The following TCF4 variants were observed in gnomAD, a reference collection of about 807,000 sequenced individuals.
The protein encoded by TCF4 is SL3-3 enhancer factor 2.
A neutral mutation model predicts 82.1 loss-of-function variants in TCF4; 3 were observed. The ratio of observed to expected loss-of-function variants is 0.04; its 90% CI spans 0.02 to 0.09. TCF4 has a LOEUF of 0.09. TCF4 is among the 10% of genes least tolerant of loss of function. The pLI is 1.00. For synonymous variants in TCF4, 276 were observed against 309.6 expected, an observed-to-expected ratio of 0.89 and a Z score of 1.14; for missense variants, 518 against 852.7, an observed-to-expected ratio of 0.61 and a Z score of 4.89.
At chr18:55,253,689 A>G (rs1163509115) in intron 15 of TCF4, among the ~76,000 whole-genome samples, 1 of 152,186 alleles carries the variant, frequency 6.6e-6, no homozygotes, top group Non-Finnish European at 1.5e-5. Context: ...TAAATTACAC[A>G]GTCACATGCA....
chr18:55,536,314 G>C (rs2097114061), intron 3 of TCF4, among the ~76,000 whole-genome samples: 1 of 152,112 alleles, frequency 6.6e-6, no homozygotes, highest in African/African-American at 2.4e-5. Flanking sequence ...TCCTCCAATA[G>C]TCAAACGTAC....
At chr18:55,608,167 A>G (rs75249703) in intron 2 of TCF4, among the ~76,000 whole-genome samples, 1,596 of 152,264 alleles carry the variant, frequency 0.01, 30 homozygotes, top group African/African-American at 0.036. Flanking sequence ...AATTCTCAAA[A>G]TTTATTTTCT....
At chr18:55,481,237 A>G (rs1334079663) in intron 3 of TCF4, among the ~76,000 whole-genome samples, 3 of 152,144 alleles carry the variant, frequency 2.0e-5, no homozygotes, top group Non-Finnish European at 4.4e-5. Context: ...TTTGTAACAC[A>G]CTGGTAACTC....
chr18:55,297,258 A>G (rs933929440), intron 8 of TCF4, among the ~76,000 whole-genome samples: 3 of 147,996 alleles, frequency 2.0e-5, no homozygotes, highest in Non-Finnish European at 3.0e-5. Context: ...AGAATCCCCA[A>G]TATTTTTTCC....
upstream of TCF4, among the ~76,000 whole-genome samples, chr18:55,591,494 C>T (rs1401159526): frequency 7.2e-5 from 11 of 152,220 alleles, no homozygotes; most frequent in South Asian, 2.1e-4. Flanking sequence ...CTCCTCATTC[C>T]GCTGAATTTC....
At chr18:55,303,538 C>T (rs1387956800) in intron 8 of TCF4, among the ~76,000 whole-genome samples, 1 of 152,116 alleles carries the variant, frequency 6.6e-6, no homozygotes, top group Non-Finnish European at 1.5e-5. Flanking sequence ...TTCTCTTTCC[C>T]AATTTCTCCT....
intron 5 of TCF4, among the ~76,000 whole-genome samples, chr18:55,433,734 G>A (rs1345568589): frequency 2.6e-5 from 4 of 152,310 alleles, no homozygotes; most frequent in East Asian, 1.9e-4. Flanking sequence ...ATTATGTTAC[G>A]AGGGAAACTA....
chr18:55,418,839 G>A (rs2094618281), intron 5 of TCF4, among the ~76,000 whole-genome samples: 1 of 152,142 alleles, frequency 6.6e-6, no homozygotes, highest in African/African-American at 2.4e-5. Context: ...TCTAAGAAAA[G>A]TAGCCAAATT....
intron 2 of TCF4, among the ~76,000 whole-genome samples, chr18:55,595,835 G>A (rs1433652985): frequency 1.3e-5 from 2 of 152,188 alleles, no homozygotes; most frequent in African/African-American, 4.8e-5. Context: ...GATTTCTAGG[G>A]CCAGAATAGA....
At chr18:55,520,970 A>AG (rs1374781589) in intron 3 of TCF4, among the ~76,000 whole-genome samples, 2 of 152,142 alleles carry the variant, frequency 1.3e-5, no homozygotes, top group Non-Finnish European at 2.9e-5. Flanking sequence ...TGAAATACCT[A>AG]GGCCTTGGTA....
At position 55,633,147 on chromosome 18, in the gene TCF4, G is replaced by A. The variant is rs1222642988; in HGVS notation, c.196-1759C>T. Among the ~76,000 whole-genome samples, 2 of 152,206 alleles carry A rather than the reference G, an allele frequency of 1.3e-5. No individual in the cohort carries two copies. Among genetic ancestry groups the A allele is most frequent in the African/African-American group, 2.4e-5 (1 of 41,454 alleles). On this transcript the variant is annotated intron_variant, in intron 1 of 20. Transcript: ENST00000398339. This position sits in a 1 kb window ranked among gnomAD's most constrained non-coding sequence, Gnocchi z 4.0. ...CTATGGGTTGGGTATTTGGAATGTGGCTTAGCCAGATAGTTCTGGCTTACG... is the reference window on the plus strand; with the variant it reads ...CTATGGGTTGGGTATTTGGAATGTGACTTAGCCAGATAGTTCTGGCTTACG...
At chr18:55,238,985 C>A (rs1189572246) in intron 15 of TCF4, among the ~76,000 whole-genome samples, 1 of 152,166 alleles carries the variant, frequency 6.6e-6, no homozygotes, top group Non-Finnish European at 1.5e-5. Context: ...ATCATGTAGT[C>A]CAAACACAGG....
intron 18 of TCF4, 94 bp downstream of exon 18, chr18:55,228,753 C>T (rs999915420): frequency 2.4e-5 from 31 of 1,267,496 alleles, no homozygotes; most frequent in Non-Finnish European, 3.4e-5. Context: ...TGAAAGTCTA[C>T]TGTCTGCCAC....
intron 2 of TCF4, 166 bp from the exon 3 acceptor site, chr18:55,585,518 C>G (rs1191544786): frequency 2.8e-6 from 2 of 709,240 alleles, no homozygotes; most frequent in Non-Finnish European, 4.7e-6. Flanking sequence ...AACAACATTA[C>G]AGATCCCACC....
At chr18:55,307,539 T>C (rs1189617602) in intron 8 of TCF4, among the ~76,000 whole-genome samples, 3 of 152,198 alleles carry the variant, frequency 2.0e-5, no homozygotes, top group African/African-American at 7.2e-5. Flanking sequence ...TTTTCTACAA[T>C]AGTATTTAAT....
intron 3 of TCF4, among the ~76,000 whole-genome samples, chr18:55,578,707 G>A (rs2097550319): frequency 2.0e-5 from 3 of 151,982 alleles, no homozygotes; most frequent in Non-Finnish European, 2.9e-5. Context: ...AAAAAGTAAC[G>A]TACAAATACG....
chr18:55,349,187 T>C (rs2081825323), intron 8 of TCF4, among the ~76,000 whole-genome samples: 1 of 152,160 alleles, frequency 6.6e-6, no homozygotes, highest in African/African-American at 2.4e-5. Flanking sequence ...TGAATAATTT[T>C]GTGATGCTTC....
chr18:55,498,568 C>T (rs567178509), intron 3 of TCF4, among the ~76,000 whole-genome samples: 12 of 152,258 alleles, frequency 7.9e-5, no homozygotes, highest in African/African-American at 2.4e-4. Flanking sequence ...CCATAAGATA[C>T]GGAAAAATCA....
intron 5 of TCF4, among the ~76,000 whole-genome samples, chr18:55,434,800 T>A (rs1488461715): frequency 4.9e-5 from 2 of 40,570 alleles, no homozygotes; most frequent in East Asian, 1.5e-3. Flanking sequence ...GTGTGTGTAT[T>A]TTAATTTTTG....
Sources: gnomAD v4.1 joint callset for allele counts (sites outside exome capture counted in the v4.1 genomes callset) on GRCh38, gnomAD v4.1.1 for gene constraint, Gnocchi (gnomAD v3.1) non-coding constraint, MANE v1.5 for transcripts, NCBI Gene and HGNC (gene_info 2026-07-23, HGNC 2026-07-21) for gene names.